The following PSMA5 variants were observed in gnomAD, a reference collection of about 807,000 sequenced individuals.
The protein encoded by PSMA5 is proteasome subunit alpha type-5.
Under a neutral mutation model 34.5 loss-of-function variants are expected in PSMA5, and 3 were observed. That is an observed-to-expected ratio of 0.09 (90% CI 0.04 to 0.22). The LOEUF is 0.22. Among genes scored for constraint, PSMA5 ranks in the 10% least tolerant of loss-of-function variants. The probability of loss-of-function intolerance (pLI) is 1.00; values close to 1 mark genes in which losing one functional copy is unlikely to be tolerated. For missense variants in PSMA5, 120 were observed against 286.1 expected (o/e 0.42, Z 4.19); for synonymous variants, 88 against 95.8 (o/e 0.92, Z 0.47).
At chr1:109,417,736 G>C (rs547599262) in intron 2 of PSMA5, among the ~76,000 whole-genome samples, 1 of 152,168 alleles carries the variant, frequency 6.6e-6, no homozygotes, top group South Asian at 2.1e-4. Flanking sequence ...AATGAAATGA[G>C]AAGAGGCAGT....
Position 109,426,403 on chromosome 1 carries a change from A to C in PSMA5, c.-73T>G. 17 of 1,583,286 alleles carry C rather than the reference A, an allele frequency of 1.1e-5. No homozygotes were observed. The highest frequency in any genetic ancestry group is 1.3e-5 in the African/African-American group (1 of 74,292). ...ACACGACTCCACCGGCACCCAACTC[A>C]CCGGCAGCCAACTCACCCACACGGC... On this transcript the variant is annotated 5_prime_UTR_variant, in exon 1 of 9. Coordinates refer to ENST00000271308, the MANE Select transcript of PSMA5 (RefSeq NM_002790.4).
At position 109,412,147 on chromosome 1, in the gene PSMA5, T is replaced by A. The variant is rs760117578; in HGVS notation, c.329A>T (p.Glu110Val). 4 of 1,614,040 alleles carry A rather than the reference T, an allele frequency of 2.5e-6. No homozygotes were observed. The highest frequency in any genetic ancestry group is 1.7e-6 in the Non-Finnish European group (2 of 1,179,942). Reference sequence around the variant, plus strand: ...ATTGGACACAGCTTGGGTCACACTCTCCACTGTCATTGTCTCATTGTAGGT... The same window carrying A: ...ATTGGACACAGCTTGGGTCACACTCACCACTGTCATTGTCTCATTGTAGGT... ...WFTYNETMTV[E>V]SVTQAVSNLA... Residue 110 changes from glutamate (E) to valine (V), a missense_variant, in exon 5 of 9, where the codon GAG becomes GTG. Coordinates refer to ENST00000271308, the MANE Select transcript of PSMA5 (RefSeq NM_002790.4).
rs1174302245 is a variant in PSMA5 at position 109,401,608 on chromosome 1, A to G, written c.*405T>C. The G allele has an allele frequency of 1.9e-5, 3 of 154,256 alleles. No homozygotes were observed. Among genetic ancestry groups the G allele is most frequent in the Non-Finnish European group, 2.9e-5 (2 of 69,584 alleles). 9.6% of individuals were successfully genotyped at this position (154,256 alleles called of 1,614,324 possible). ...AGTTTTAGAACAGACATCTTCATAG[A>G]ATAGGGATATTAATAACACTGTCCT... On this transcript the variant is annotated 3_prime_UTR_variant, in exon 9 of 9. Coordinates refer to ENST00000271308, the MANE Select transcript of PSMA5 (RefSeq NM_002790.4).
chr1:109,402,046 C>G lies in PSMA5; in HGVS notation c.693G>C (p.Lys231Asn), dbSNP rs1285181518. The change falls in exon 9 of 9, where the codon AAG (lysine) becomes AAC (asparagine). Residue 231 changes from lysine to asparagine, a missense_variant. Around this residue, in one of 3 missense-constraint regions of PSMA5, gnomAD observed 83 missense variants for 203.2 expected, o/e 0.41. Coordinates refer to ENST00000271308, the MANE Select transcript of PSMA5 (RefSeq NM_002790.4). The part of the protein sequence containing the change: ...QPGQNFHMFT[K>N]EELEEVIKDI ...CCTTGATAACCTCTTCAAGTTCTTC[C>G]TTTGTGAACATGTGGAAATTCTGGC... 1 of 1,612,392 alleles carries G rather than the reference C, an allele frequency of 6.2e-7. No homozygotes were observed. Among genetic ancestry groups the G allele is most frequent in the Admixed American group, 1.7e-5 (1 of 59,762 alleles).
At chr1:109,405,353 C>T (rs1003834866) in intron 8 of PSMA5, among the ~76,000 whole-genome samples, 4 of 151,370 alleles carry the variant, frequency 2.6e-5, no homozygotes, top group Non-Finnish European at 5.9e-5. Flanking sequence ...TTAGCAAAGT[C>T]TCTAATAGAT....
intron 1 of PSMA5, among the ~76,000 whole-genome samples, chr1:109,423,742 T>C (rs764290251): frequency 3.3e-4 from 50 of 152,156 alleles, no homozygotes; most frequent in Non-Finnish European, 6.8e-4. Flanking sequence ...TCATATCAAT[T>C]CCTCCTCCAC....
At chr1:109,419,502 T>C (rs1204143382) in intron 2 of PSMA5, among the ~76,000 whole-genome samples, 4 of 151,958 alleles carry the variant, frequency 2.6e-5, no homozygotes, top group Non-Finnish European at 4.4e-5. Flanking sequence ...ACCCCGTCTC[T>C]ACAAAAAATA....
chr1:109,420,632 TCTC>T (rs565914175), intron 2 of PSMA5, among the ~76,000 whole-genome samples: 46 of 152,326 alleles, frequency 3.0e-4, no homozygotes, highest in African/African-American at 1.1e-3. Flanking sequence ...ACTTAGTTGT[TCTC>T]TAATTGTTTT....
chr1:109,425,102 G>C (rs1654601882), intron 1 of PSMA5, among the ~76,000 whole-genome samples: 1 of 152,222 alleles, frequency 6.6e-6, no homozygotes, highest in Admixed American at 6.5e-5. Flanking sequence ...TGCGAGCAAG[G>C]AGCTTGATTT....
At chr1:109,422,177 G>T (rs570799879) in intron 1 of PSMA5, among the ~76,000 whole-genome samples, 6 of 152,250 alleles carry the variant, frequency 3.9e-5, no homozygotes, top group African/African-American at 1.4e-4. Flanking sequence ...GAGAGCAAAT[G>T]ACTTTTCTGC....
chr1:109,410,700 T>C (rs974076379), intron 7 of PSMA5, among the ~76,000 whole-genome samples: 21 of 152,196 alleles, frequency 1.4e-4, no homozygotes, highest in Non-Finnish European at 1.0e-4. Context: ...TGGAACAACA[T>C]GAATGGATCT....
At chr1:109,408,674 C>G (rs533595554) in intron 8 of PSMA5, among the ~76,000 whole-genome samples, 1 of 151,844 alleles carries the variant, frequency 6.6e-6, no homozygotes, top group Non-Finnish European at 1.5e-5. Context: ...CTATCCTAAC[C>G]TCTCCTTTTA....
intron 8 of PSMA5, among the ~76,000 whole-genome samples, chr1:109,404,390 T>G (rs1653663329): frequency 6.6e-6 from 1 of 152,138 alleles, no homozygotes; most frequent in Non-Finnish European, 1.5e-5. Context: ...ATCAATGACA[T>G]GAGGACAGAG....
intron 2 of PSMA5, among the ~76,000 whole-genome samples, chr1:109,415,867 A>C (rs1654172350): frequency 6.6e-6 from 1 of 152,050 alleles, no homozygotes; most frequent in South Asian, 2.1e-4. Context: ...AACCTACCTG[A>C]CCTCCAAAAA....
intron 2 of PSMA5, among the ~76,000 whole-genome samples, chr1:109,419,530 C>T (rs764567443): frequency 5.9e-5 from 9 of 152,024 alleles, no homozygotes; most frequent in African/African-American, 1.4e-4. Flanking sequence ...TTAGGCCAGG[C>T]GCGGTGGCTC....
In PSMA5 at chr1:109,399,752, T is replaced by G. The variant is rs1571007270; in HGVS notation, c.*2261A>C. The G allele has an allele frequency of 1.3e-5, 2 of 152,192 alleles. No individual in the cohort carries two copies. The highest frequency in any genetic ancestry group is 4.1e-4 in the South Asian group (2 of 4,836). The allele number at this position is 152,192 out of a possible 1,614,324, so 9.4% of individuals were successfully genotyped here. ...TGAGAAAATGTTTGAGTGAATATAT[T>G]TATTATTTCACTTTTTAAATTGGAA... On this transcript the variant is annotated 3_prime_UTR_variant, in exon 9 of 9. Coordinates refer to ENST00000271308, the MANE Select transcript of PSMA5 (RefSeq NM_002790.4).
At chr1:109,413,174 C>T in intron 3 of PSMA5, 39 bp from the exon 4 acceptor site, 5 of 1,579,462 alleles carry the variant, frequency 3.2e-6, no homozygotes, top group Non-Finnish European at 4.4e-6. Context: ...TGGCCAAATC[C>T]TTGTAAAACT....
chr1:109,411,805 TTC>T (rs1400732990), intron 6 of PSMA5, 70 bp downstream of exon 6: 5 of 1,446,078 alleles, frequency 3.5e-6, no homozygotes, highest in Admixed American at 1.7e-5. Context: ...TACAATAATC[TTC>T]TCAGTCTCCA....
intron 2 of PSMA5, 102 bp from the exon 3 acceptor site, chr1:109,415,465 C>A: frequency 7.9e-7 from 1 of 1,262,264 alleles, no homozygotes; most frequent in African/African-American, 1.5e-5. Flanking sequence ...GAAACTTCAA[C>A]TGGCCACATC....
Sources: allele counts gnomAD v4.1 joint callset (sites outside exome capture counted in the v4.1 genomes callset), GRCh38; gene constraint gnomAD v4.1.1; regional missense constraint gnomAD v4.1.1; transcripts MANE v1.5; gene names NCBI Gene and HGNC (gene_info 2026-07-23, HGNC 2026-07-21).